The following MME variants were observed in gnomAD, a reference collection of about 807,000 sequenced individuals.
MME encodes membrane metalloendopeptidase.
MME carries 98 observed loss-of-function variants against 113.2 expected under a neutral mutation model. The observed-to-expected ratio is 0.87, with a 90% confidence interval of 0.74 to 1.02. The LOEUF (loss-of-function observed/expected upper bound fraction) is 1.02, where lower values mean the gene tolerates loss of function less well. Among genes scored for constraint, MME ranks in the 50% least tolerant of loss-of-function variants. The probability of loss-of-function intolerance (pLI) is 0.00; values close to 1 mark genes in which losing one functional copy is unlikely to be tolerated. For missense variants in MME, 836 were observed against 896.0 expected (o/e 0.93, Z 0.86); for synonymous variants, 292 against 300.6 (o/e 0.97, Z 0.30).
At chr3:155,074,532 A>G (rs1265027286) in intron 1 of MME, among the ~76,000 whole-genome samples, 1 of 151,776 alleles carries the variant, frequency 6.6e-6, no homozygotes, top group African/African-American at 2.4e-5. Context: ...CCCACATTCA[A>G]GCGATTCTCC....
At chr3:155,126,797 C>T (rs968951413) in intron 8 of MME, among the ~76,000 whole-genome samples, 4 of 151,894 alleles carry the variant, frequency 2.6e-5, no homozygotes, top group Non-Finnish European at 4.4e-5. Context: ...GTCGGGAGAT[C>T]GAGACCAGCC....
chr3:155,130,207 C>G (rs1388613948), intron 8 of MME, among the ~76,000 whole-genome samples: 4 of 152,226 alleles, frequency 2.6e-5, no homozygotes, highest in African/African-American at 9.6e-5. Flanking sequence ...GTTTCCAACT[C>G]TAAGGACTAC....
rs1713012929 is a variant in MME at position 155,180,757 on chromosome 3, G to A, written c.*298G>A. The A allele has an allele frequency of 5.7e-6, 2 of 350,242 alleles. No homozygotes were observed. Among genetic ancestry groups the A allele is most frequent in the Admixed American group, 4.2e-5 (1 of 23,732 alleles). 21.7% of individuals were successfully genotyped at this position (350,242 alleles called of 1,614,324 possible). On this transcript the variant is annotated 3_prime_UTR_variant, in exon 23 of 23. Transcript: ENST00000360490. ...TCATATGGTCTACCAGTTTGCTGAT[G>A]TCCCTAGAAAACAATGCAAAACCTT... is the stretch of plus-strand genomic sequence containing the variant.
Position 155,142,306 on chromosome 3 carries a change from G to A in MME, c.1164G>A (p.Lys388=). The change falls in exon 12 of 23, where the codon AAG becomes AAA. Residue 388 remains lysine, a synonymous_variant. Coordinates refer to ENST00000360490, the MANE Select transcript of MME (RefSeq NM_007289.4). ...DLVSSLSRTY[K]ESRNAFRKAL... ...TAAGCAGCCTCAGCCGAACCTACAA[G>A]GAGTCCAGAAATGCTTTCCGCAAGG... 6.2e-7 allele frequency: 1 copy of A among 1,613,384 alleles called. No individual in the cohort carries two copies. Among genetic ancestry groups the A allele is most frequent in the Non-Finnish European group, 8.5e-7 (1 of 1,179,588 alleles).
chr3:155,033,138 C>A (rs894032743), intron 1 of MME, among the ~76,000 whole-genome samples: 3 of 152,102 alleles, frequency 2.0e-5, no homozygotes, highest in Non-Finnish European at 2.9e-5. Flanking sequence ...TAGTCATTTA[C>A]AGAACAAGAA....
chr3:155,078,659 A>ATGTGTGTG (rs5853711), upstream of MME, among the ~76,000 whole-genome samples: 139 of 141,920 alleles, frequency 9.8e-4, no homozygotes, highest in East Asian at 4.3e-3. Flanking sequence ...ATGTGTGTGT[A>ATGTGTGTG]TGTGTGTGTG....
intron 1 of MME, among the ~76,000 whole-genome samples, chr3:155,058,136 C>T (rs1714004220): frequency 6.6e-6 from 1 of 152,018 alleles, no homozygotes; most frequent in African/African-American, 2.4e-5. Flanking sequence ...CTTGTATTAA[C>T]CCCTGTAAAT....
intron 3 of MME, among the ~76,000 whole-genome samples, chr3:155,105,106 T>C (rs2108226316): frequency 6.6e-6 from 1 of 152,306 alleles, no homozygotes; most frequent in African/African-American, 2.4e-5. Context: ...GAGCCATTCA[T>C]TGAAATGGAC....
chr3:155,133,726 T>C (rs1720384852), intron 8 of MME, among the ~76,000 whole-genome samples: 5 of 145,680 alleles, frequency 3.4e-5, no homozygotes, highest in Admixed American at 2.8e-4. Context: ...ATGGTGTGTA[T>C]ATATACATAT....
intron 17 of MME, among the ~76,000 whole-genome samples, chr3:155,164,421 C>T (rs1722943103): frequency 6.6e-6 from 1 of 152,100 alleles, no homozygotes; most frequent in Admixed American, 6.6e-5. Flanking sequence ...GTTGTGATGC[C>T]TACTAGGTAA....
intron 8 of MME, among the ~76,000 whole-genome samples, chr3:155,127,748 T>C (rs1277648506): frequency 1.3e-5 from 2 of 152,248 alleles, no homozygotes; most frequent in Admixed American, 1.3e-4. Context: ...GTGAGAAATC[T>C]GAGTCTCAGA....
At chr3:155,142,640 TC>T (rs1721201773) in intron 12 of MME, among the ~76,000 whole-genome samples, 1 of 152,192 alleles carries the variant, frequency 6.6e-6, no homozygotes, top group African/African-American at 2.4e-5. Flanking sequence ...AAAAGTAATT[TC>T]GGGGTTATCT....
chr3:155,106,789 G>A (rs1041741244), intron 3 of MME, among the ~76,000 whole-genome samples: 1 of 152,164 alleles, frequency 6.6e-6, no homozygotes. Flanking sequence ...TGCTAATAAA[G>A]CAAGGATTTA....
At chr3:155,166,198 A>G (rs1723082633) in intron 17 of MME, among the ~76,000 whole-genome samples, 1 of 152,192 alleles carries the variant, frequency 6.6e-6, no homozygotes, top group Non-Finnish European at 1.5e-5. Context: ...AGAAAAATGT[A>G]TGAAATTAAA....
At chr3:155,117,246 A>G (rs1336142562) in intron 7 of MME, among the ~76,000 whole-genome samples, 1 of 152,204 alleles carries the variant, frequency 6.6e-6, no homozygotes, top group African/African-American at 2.4e-5. Context: ...AATGATAAGA[A>G]GGGCTCCAGG....
rs561537292 is a variant in MME, at chr3:155,180,345, T to C, written c.2154-15T>C. 6.2e-7 allele frequency: 1 copy of C among 1,606,046 alleles called. No homozygotes were observed. The highest frequency in any genetic ancestry group is 1.1e-5 in the South Asian group (1 of 90,946). On this transcript the variant is annotated splice_polypyrimidine_tract_variant and intron_variant, in intron 22 of 22. Coordinates refer to ENST00000360490, the MANE Select transcript of MME (RefSeq NM_007289.4). The stretch of plus-strand genomic sequence containing the variant: ...TATCAAATGCTGACGGTGACTTTTT[T>C]TGTTTGTTTCAAAGGATTATTGGGA...
At chr3:155,065,447 C>T (rs749637623) in intron 1 of MME, among the ~76,000 whole-genome samples, 2 of 152,064 alleles carry the variant, frequency 1.3e-5, no homozygotes, top group Non-Finnish European at 2.9e-5. Context: ...CTAAAGACTA[C>T]AGATATAAAG....
At chr3:155,106,940 A>T (rs1356268299) in intron 3 of MME, among the ~76,000 whole-genome samples, 2 of 152,222 alleles carry the variant, frequency 1.3e-5, no homozygotes, top group Non-Finnish European at 2.9e-5. Flanking sequence ...TGATGTTAGG[A>T]TACTGGTGTT....
intron 1 of MME, among the ~76,000 whole-genome samples, chr3:155,060,974 T>A (rs903168392): frequency 2.0e-5 from 3 of 152,088 alleles, no homozygotes; most frequent in Non-Finnish European, 4.4e-5. Flanking sequence ...AGACCCCACC[T>A]CCTAACAATA....
Sources: allele counts gnomAD v4.1 joint callset (sites outside exome capture counted in the v4.1 genomes callset), GRCh38; gene constraint gnomAD v4.1.1; transcripts MANE v1.5; gene names NCBI Gene and HGNC (gene_info 2026-07-23, HGNC 2026-07-21).